GPR158: variants seen among roughly 807,000 people sequenced by gnomAD.
GPR158 encodes metabotropic glycine receptor.
In GPR158, 30 loss-of-function variants were observed where a neutral mutation model predicts 78.2. The ratio of observed to expected loss-of-function variants is 0.38; its 90% CI spans 0.29 to 0.52. The LOEUF is 0.52. Among genes scored for constraint, GPR158 ranks in the 20% least tolerant of loss-of-function variants. GPR158 has a pLI of 0.83. For synonymous variants in GPR158, 581 were observed against 591.1 expected, an observed-to-expected ratio of 0.98 and a Z score of 0.25; for missense variants, 1,463 against 1,523.5, an observed-to-expected ratio of 0.96 and a Z score of 0.66.
At chr10:25,207,637 C>T (rs973590140) in intron 1 of GPR158, among the ~76,000 whole-genome samples, 4 of 152,152 alleles carry the variant, frequency 2.6e-5, no homozygotes, top group Non-Finnish European at 4.4e-5. Flanking sequence ...GCTCACTCAC[C>T]TGCTGCTCAC....
At position 25,339,485 on chromosome 10, in the gene GPR158, C is replaced by T. The variant is rs936638370; in HGVS notation, c.1009-56426C>T. ...TTTATTTCTTCCTTTCCAATTCTCA[C>T]ACCTTCAGTTTGTTTTTCTTTCTGA... On this transcript the variant is annotated intron_variant, in intron 2 of 10. Transcript: ENST00000376351. Among the ~76,000 whole-genome samples, 8 of 152,164 alleles carry T rather than the reference C, an allele frequency of 5.3e-5. No homozygotes were observed. In the East Asian group the frequency reaches 1.4e-3, roughly 26 times the overall value.
chr10:25,325,824 T>A (rs1291313886), intron 2 of GPR158, among the ~76,000 whole-genome samples: 2 of 152,264 alleles, frequency 1.3e-5, no homozygotes, highest in East Asian at 3.9e-4. Context: ...AGGTGATATC[T>A]CATTGTGGTT....
At chr10:25,434,182 A>G (rs752358915) in intron 4 of GPR158, among the ~76,000 whole-genome samples, 26 of 151,948 alleles carry the variant, frequency 1.7e-4, no homozygotes, top group African/African-American at 5.1e-4. Context: ...CAAACAAACA[A>G]AAAGAAATCA....
chr10:25,358,837 A>T (rs780647580), intron 2 of GPR158, among the ~76,000 whole-genome samples: 5 of 152,114 alleles, frequency 3.3e-5, no homozygotes, highest in Non-Finnish European at 7.4e-5. Context: ...TACTTACATA[A>T]CTTTAATTCT....
At chr10:25,225,014 A>G (rs1399498123) in intron 2 of GPR158, among the ~76,000 whole-genome samples, 1 of 152,144 alleles carries the variant, frequency 6.6e-6, no homozygotes, top group Non-Finnish European at 1.5e-5. Context: ...ACATTTTCAA[A>G]TATCCATTTT....
At chr10:25,200,385 G>GC (rs1480935306) in intron 1 of GPR158, among the ~76,000 whole-genome samples, 2 of 152,056 alleles carry the variant, frequency 1.3e-5, no homozygotes, top group East Asian at 3.8e-4. Flanking sequence ...TTGTAAATGT[G>GC]CTTAAGTTCC....
chr10:25,368,004 C>T (rs2130543992), intron 2 of GPR158, among the ~76,000 whole-genome samples: 1 of 151,944 alleles, frequency 6.6e-6, no homozygotes, highest in South Asian at 2.1e-4. Flanking sequence ...CTTCAAGTGC[C>T]AGAGAATTAA....
chr10:25,530,145 C>G (rs1016471115), intron 5 of GPR158, among the ~76,000 whole-genome samples: 3 of 152,056 alleles, frequency 2.0e-5, no homozygotes, highest in African/African-American at 7.2e-5. Flanking sequence ...CTGAGATGGT[C>G]TCCTCATGAG....
chr10:25,371,968 G>A (rs1314074483), intron 2 of GPR158, among the ~76,000 whole-genome samples: 2 of 150,956 alleles, frequency 1.3e-5, no homozygotes, highest in African/African-American at 2.4e-5. Context: ...CTGACAAAGG[G>A]CTAATATCCA....
At chr10:25,511,827 A>G (rs774640523) in intron 5 of GPR158, among the ~76,000 whole-genome samples, 5 of 152,088 alleles carry the variant, frequency 3.3e-5, no homozygotes, top group Non-Finnish European at 7.4e-5. Context: ...TGATTTGTCG[A>G]AGATCAGTTG....
chr10:25,253,545 T>C (rs1853845376), intron 2 of GPR158, among the ~76,000 whole-genome samples: 1 of 152,230 alleles, frequency 6.6e-6, no homozygotes, highest in South Asian at 2.1e-4. Context: ...TTATTGGTAA[T>C]GTCATTCAGA....
chr10:25,290,000 A>G (rs371697003), intron 2 of GPR158, among the ~76,000 whole-genome samples: 4 of 152,314 alleles, frequency 2.6e-5, no homozygotes, highest in Admixed American at 6.5e-5. Flanking sequence ...GTTAGTTAAC[A>G]TTTTCACTAA....
intron 4 of GPR158, among the ~76,000 whole-genome samples, chr10:25,418,923 G>T (rs943540963): frequency 2.0e-5 from 3 of 151,168 alleles, no homozygotes; most frequent in African/African-American, 7.3e-5. Context: ...GTTGACAAGA[G>T]ATTTAATAAC....
Position 25,469,581 on chromosome 10 carries a change from G to A in GPR158, c.1404+2862G>A, listed in dbSNP as rs376920787. Among the ~76,000 whole-genome samples the A allele has an allele frequency of 3.6e-4, 54 of 152,060 alleles. No individual in the cohort carries two copies. The South Asian group carries it at 9.6e-3, about 27-fold the overall frequency. On this transcript the variant is annotated intron_variant, in intron 5 of 10. Transcript: ENST00000376351. The stretch of plus-strand genomic sequence containing the variant: ...GGGTGGATCATGAGGTCAGGAGATC[G>A]AGACCATCCTGTCTAACACGGTGAA...
chr10:25,527,676 A>G (rs1301321365), intron 5 of GPR158, among the ~76,000 whole-genome samples: 1 of 152,118 alleles, frequency 6.6e-6, no homozygotes, highest in East Asian at 1.9e-4. Flanking sequence ...AGAACAAATC[A>G]AACCCCAAAC....
intron 4 of GPR158, among the ~76,000 whole-genome samples, chr10:25,439,107 T>C (rs1588864945): frequency 6.6e-6 from 1 of 152,262 alleles, no homozygotes; most frequent in South Asian, 2.1e-4. Context: ...AAAAGTCTTG[T>C]ATTAGTCCAT....
chr10:25,568,983 TTA>T (rs1201521625), intron 6 of GPR158, among the ~76,000 whole-genome samples: 7 of 152,222 alleles, frequency 4.6e-5, no homozygotes, highest in Admixed American at 1.3e-4. Context: ...ATATTCTTTT[TTA>T]TAGTCTGACC....
intron 4 of GPR158, among the ~76,000 whole-genome samples, chr10:25,442,456 C>A (rs148625667): frequency 7.9e-5 from 12 of 152,122 alleles, no homozygotes; most frequent in African/African-American, 2.7e-4. Flanking sequence ...AACCCAGAAC[C>A]CTCTCTTCTC....
chr10:25,387,833 A>G (rs1834243620), intron 2 of GPR158, among the ~76,000 whole-genome samples: 1 of 152,112 alleles, frequency 6.6e-6, no homozygotes, highest in Non-Finnish European at 1.5e-5. Flanking sequence ...ATTTTTTGCA[A>G]GAGTTTAAGG....
Sources: gnomAD v4.1 joint callset for allele counts (sites outside exome capture counted in the v4.1 genomes callset) on GRCh38, gnomAD v4.1.1 for gene constraint, MANE v1.5 for transcripts, NCBI Gene and HGNC (gene_info 2026-07-23, HGNC 2026-07-21) for gene names.